Variants in PLXNA4 observed in about 807,000 individuals in gnomAD.
PLXNA4 encodes the protein plexin-A4.
In PLXNA4, 44 loss-of-function variants were observed where a neutral mutation model predicts 191.8. That is an observed-to-expected ratio of 0.23 (90% CI 0.18 to 0.29). The LOEUF is 0.29. Among genes scored for constraint, PLXNA4 ranks in the 10% least tolerant of loss-of-function variants. The pLI is 1.00. For synonymous variants in PLXNA4, 1,082 were observed against 1,009.5 expected (o/e 1.07, Z -1.36); for missense variants, 1,800 against 2,488.8 (o/e 0.72, Z 5.89).
intron 18 of PLXNA4, among the ~76,000 whole-genome samples, chr7:132,180,961 C>A (rs1395084600): frequency 6.6e-6 from 1 of 152,226 alleles, no homozygotes; most frequent in East Asian, 1.9e-4. Flanking sequence ...CCAAATGCAG[C>A]CTCAGAATCC....
intron 3 of PLXNA4, among the ~76,000 whole-genome samples, chr7:132,341,332 A>G (rs1249602174): frequency 6.6e-6 from 1 of 152,160 alleles, no homozygotes; most frequent in Admixed American, 6.5e-5. Context: ...CTATAATTTT[A>G]TGTACTACTA....
intron 2 of PLXNA4, among the ~76,000 whole-genome samples, chr7:132,643,895 T>C (rs376410419): frequency 4.6e-5 from 7 of 152,178 alleles, no homozygotes; most frequent in Middle Eastern, 6.8e-3. Flanking sequence ...GAGGCTGCAG[T>C]GATCTAAGAT....
intron 1 of PLXNA4, among the ~76,000 whole-genome samples, chr7:132,532,788 T>C (rs780698125): frequency 1.3e-5 from 2 of 152,248 alleles, no homozygotes; most frequent in Non-Finnish European, 2.9e-5. Flanking sequence ...TGCCCATGCA[T>C]GTCCTGTGCT....
intron 3 of PLXNA4, among the ~76,000 whole-genome samples, chr7:132,481,362 C>T (rs2117478634): frequency 6.6e-6 from 1 of 152,156 alleles, no homozygotes; most frequent in East Asian, 1.9e-4. Flanking sequence ...AGGTGACCTA[C>T]CCTACAGCCC....
At chr7:132,141,240 T>C (rs1795259272) in intron 29 of PLXNA4, among the ~76,000 whole-genome samples, 1 of 152,210 alleles carries the variant, frequency 6.6e-6, no homozygotes, top group Admixed American at 6.5e-5. Context: ...ATCTAGGCTT[T>C]GTATCTGACT....
chr7:132,477,109 GA>G (rs944148541), intron 3 of PLXNA4, among the ~76,000 whole-genome samples: 1 of 152,146 alleles, frequency 6.6e-6, no homozygotes, highest in African/African-American at 2.4e-5. Context: ...TTTAAGTCAA[GA>G]AGTGCCTAGC....
intron 1 of PLXNA4, among the ~76,000 whole-genome samples, chr7:132,562,399 CT>C (rs1801228421): frequency 7.6e-6 from 1 of 131,388 alleles, no homozygotes; most frequent in African/African-American, 3.1e-5. Context: ...CCTTCTGCTG[CT>C]CCTCCTCCTT....
intron 20 of PLXNA4, among the ~76,000 whole-genome samples, chr7:132,177,594 G>A (rs1287026464): frequency 2.6e-5 from 4 of 152,208 alleles, no homozygotes; most frequent in African/African-American, 9.7e-5. Context: ...CCCATCGGCT[G>A]CTCCCTCCCA....
rs1176068972 is a variant in PLXNA4 at position 132,177,097 on chromosome 7, G to A, written c.3875-2177C>T. The stretch of plus-strand genomic sequence containing the variant: ...CGTGTGAGCACATGAGTGTATGTCA[G>A]TGAGTGTATGTATGTGAAAGCATGA... On this transcript the variant is annotated intron_variant, in intron 20 of 31. Transcript: ENST00000321063. Among the ~76,000 whole-genome samples the A allele has an allele frequency of 2.6e-5, 4 of 152,028 alleles. No homozygotes were observed. In the East Asian group the frequency reaches 7.7e-4, roughly 29 times the overall value.
At chr7:132,394,075 T>C (rs1793639183) in intron 3 of PLXNA4, among the ~76,000 whole-genome samples, 1 of 150,020 alleles carries the variant, frequency 6.7e-6, no homozygotes, top group East Asian at 2.0e-4. Flanking sequence ...CTAGCAGCCA[T>C]CCAGATTTCT....
intron 1 of PLXNA4, among the ~76,000 whole-genome samples, chr7:132,568,387 G>A (rs977745388): frequency 5.3e-5 from 8 of 152,302 alleles, no homozygotes; most frequent in Admixed American, 4.6e-4. Flanking sequence ...GTTTAAATGG[G>A]ATAATAGTGT....
At chr7:132,494,354 T>C (rs543845356) in intron 2 of PLXNA4, among the ~76,000 whole-genome samples, 2 of 152,224 alleles carry the variant, frequency 1.3e-5, no homozygotes, top group East Asian at 1.9e-4. Context: ...GATTAAAAAG[T>C]CTTGGGTGGG....
At chr7:132,416,259 C>G (rs933690574) in intron 3 of PLXNA4, among the ~76,000 whole-genome samples, 2 of 152,082 alleles carry the variant, frequency 1.3e-5, no homozygotes, top group Non-Finnish European at 2.9e-5. Context: ...CTAGAAAGGA[C>G]AAGAAAAGGG....
chr7:132,347,280 G>C (rs1190851090), intron 3 of PLXNA4, among the ~76,000 whole-genome samples: 1 of 152,148 alleles, frequency 6.6e-6, no homozygotes, highest in African/African-American at 2.4e-5. Flanking sequence ...GCTGGGAAGA[G>C]CTCAAGGGCC....
At chr7:132,549,345 C>A (rs934384657) in intron 1 of PLXNA4, among the ~76,000 whole-genome samples, 1 of 152,146 alleles carries the variant, frequency 6.6e-6, no homozygotes, top group Admixed American at 6.5e-5. Flanking sequence ...CCCAGGGAAC[C>A]TAATTTCCCC....
chr7:132,355,982 G>T (rs1256157255), intron 3 of PLXNA4, among the ~76,000 whole-genome samples: 2 of 152,232 alleles, frequency 1.3e-5, no homozygotes, highest in Non-Finnish European at 2.9e-5. Flanking sequence ...GGTTTAAGGG[G>T]AAGAGCGAGG....
intron 12 of PLXNA4, among the ~76,000 whole-genome samples, chr7:132,199,019 C>T (rs908739933): frequency 3.3e-5 from 5 of 152,148 alleles, no homozygotes; most frequent in Admixed American, 3.3e-4. Context: ...ATTCAGAGCC[C>T]CCTACACCTA....
At chr7:132,160,467 G>C (rs1016522185) in intron 24 of PLXNA4, among the ~76,000 whole-genome samples, 1 of 152,032 alleles carries the variant, frequency 6.6e-6, no homozygotes, top group African/African-American at 2.4e-5. Flanking sequence ...AAAGAACAAG[G>C]CTTTTCTTCT....
chr7:132,423,782 C>G (rs1026739093), intron 3 of PLXNA4, among the ~76,000 whole-genome samples: 1 of 152,198 alleles, frequency 6.6e-6, no homozygotes, highest in Non-Finnish European at 1.5e-5. Flanking sequence ...CCTTCTCTCT[C>G]CTGCAGAATG....
Sources: gnomAD v4.1 joint callset for allele counts (sites outside exome capture counted in the v4.1 genomes callset) on GRCh38, gnomAD v4.1.1 for gene constraint, MANE v1.5 for transcripts, NCBI Gene and HGNC (gene_info 2026-07-23, HGNC 2026-07-21) for gene names.